ATP6V1C2: variants seen among roughly 807,000 people sequenced by gnomAD.
ATP6V1C2 encodes V-type proton ATPase subunit C 2.
Under a neutral mutation model 56.8 loss-of-function variants are expected in ATP6V1C2, and 45 were observed. The ratio of observed to expected loss-of-function variants is 0.79; its 90% CI spans 0.62 to 1.02. The LOEUF (loss-of-function observed/expected upper bound fraction) is 1.02. Among genes scored for constraint, ATP6V1C2 ranks in the 50% least tolerant of loss-of-function variants. The pLI, the probability that ATP6V1C2 is intolerant of heterozygous loss-of-function variation, is 0.00. For synonymous variants in ATP6V1C2, 220 were observed against 201.3 expected, an observed-to-expected ratio of 1.09 and a Z score of -0.79; for missense variants, 463 against 519.7, an observed-to-expected ratio of 0.89 and a Z score of 1.06.
chr2:10,754,084 C>T lies in ATP6V1C2; in HGVS notation c.283+18C>T. On this transcript the variant is annotated intron_variant, in intron 4 of 13. Coordinates refer to ENST00000272238, the MANE Select transcript of ATP6V1C2 (RefSeq NM_001039362.2). ...AAACGGAGGTAGGTAGGGCGGCCCT[C>T]TGATGTGGAGCACAATCTCCCCGCT... 1 of 1,581,970 alleles carries T rather than the reference C, an allele frequency of 6.3e-7. No homozygotes were observed. Among genetic ancestry groups the T allele is most frequent in the Non-Finnish European group, 8.6e-7 (1 of 1,161,382 alleles).
rs1662446316 is a variant in ATP6V1C2 at position 10,739,772 on chromosome 2, ATTATT to A, written c.197+13207_197+13211del. 2.6e-5 allele frequency among the ~76,000 whole-genome samples: 4 copies of A among 152,164 alleles called. No homozygotes were observed. In the South Asian group the frequency reaches 8.3e-4, roughly 32 times the overall value. On this transcript the variant is annotated intron_variant, in intron 3 of 13. Transcript: ENST00000272238. ...GCATAACTCATTGTGTAAATTTTTGATTATTTTAAAGTTGCATGGAGATGTTTAAA... is the reference window on the plus strand; with the variant it reads ...GCATAACTCATTGTGTAAATTTTTGATTAAAGTTGCATGGAGATGTTTAAA...
At chr2:10,769,627 C>T (rs1664457461) in intron 6 of ATP6V1C2, among the ~76,000 whole-genome samples, 1 of 152,126 alleles carries the variant, frequency 6.6e-6, no homozygotes, top group Admixed American at 6.5e-5. Context: ...TCACTTGAAC[C>T]TGGCAGACAG....
chr2:10,735,226 G>A (rs1325453127), intron 3 of ATP6V1C2, among the ~76,000 whole-genome samples: 1 of 152,090 alleles, frequency 6.6e-6, no homozygotes. Flanking sequence ...CTGGAGTGCA[G>A]TAGCATGATC....
rs1245009673 is a variant in ATP6V1C2 at position 10,784,963 on chromosome 2, T to G, written c.*1700T>G. The G allele has an allele frequency of 6.3e-7, 1 of 1,591,822 alleles. No homozygotes were observed. The highest frequency in any genetic ancestry group is 1.7e-5 in the Admixed American group (1 of 57,608). Reference sequence around the variant, plus strand: ...CCATCCCTGCCGTCCCAAGGCTCTCTCTCAACGATGGTAGGGAAAGCCCCG... The same window carrying G: ...CCATCCCTGCCGTCCCAAGGCTCTCGCTCAACGATGGTAGGGAAAGCCCCG... On this transcript the variant is annotated 3_prime_UTR_variant, in exon 14 of 14. Transcript: ENST00000272238.
rs548915613 is a variant in ATP6V1C2, at chr2:10,773,286, G to T, written c.638+676G>T. On this transcript the variant is annotated intron_variant, in intron 8 of 13. Transcript: ENST00000272238. ...GGGCAGGAAGGCCACACTCAGGATG[G>T]TAGTGGCTCAGGATGGAGTGAGTGG... 1.3e-3 allele frequency among the ~76,000 whole-genome samples: 200 copies of T among 152,324 alleles called. 2 individuals carry two copies. The highest frequency in any genetic ancestry group is 0.013 in the South Asian group (62 of 4,828).
At chr2:10,747,047 T>TCACTTGAGGTTGTGAGTTC (rs1558399356) in intron 3 of ATP6V1C2, among the ~76,000 whole-genome samples, 1 of 152,158 alleles carries the variant, frequency 6.6e-6, no homozygotes, top group Non-Finnish European at 1.5e-5. Flanking sequence ...GGCAGGTGGA[T>TCACTTGAGGTTGTGAGTTC]CACTTGAGGT....
At chr2:10,739,887 G>A (rs1662451861) in intron 3 of ATP6V1C2, among the ~76,000 whole-genome samples, 1 of 152,056 alleles carries the variant, frequency 6.6e-6, no homozygotes, top group Non-Finnish European at 1.5e-5. Flanking sequence ...ATCACTTGAG[G>A]TTAGGAGTTC....
rs1396578569 is a variant in ATP6V1C2, at chr2:10,764,318, T to C, written c.284-13T>C. 5 of 1,600,352 alleles carry C rather than the reference T, an allele frequency of 3.1e-6. No homozygotes were observed. The African/African-American group carries it at 6.7e-5, about 21-fold the overall frequency. ...GCAGGCTCATGTGTTGAAATGTGTT[T>C]GTATTCTTCCAGTTGACTTAACATC... is the stretch of plus-strand genomic sequence containing the variant. On this transcript the variant is annotated splice_polypyrimidine_tract_variant and intron_variant, in intron 4 of 13. Coordinates refer to ENST00000272238, the MANE Select transcript of ATP6V1C2 (RefSeq NM_001039362.2).
Position 10,784,936 on chromosome 2 carries a change from C to T in ATP6V1C2, c.*1673C>T, listed in dbSNP as rs1191444545. The T allele has an allele frequency of 1.1e-5, 17 of 1,578,290 alleles. No individual in the cohort carries two copies. The highest frequency in any genetic ancestry group is 1.7e-4 in the Middle Eastern group (1 of 6,018). ...CAGCTTCCCTCCCGGGCACTCACCT[C>T]GCCATCCCTGCCGTCCCAAGGCTCT... is the stretch of plus-strand genomic sequence containing the variant. On this transcript the variant is annotated 3_prime_UTR_variant, in exon 14 of 14. Transcript: ENST00000272238.
In ATP6V1C2 at chr2:10,739,568, T is replaced by G. The variant is rs530838774; in HGVS notation, c.197+12999T>G. On this transcript the variant is annotated intron_variant, in intron 3 of 13. Transcript: ENST00000272238. ...CCCCAGCCTAGCAGGGCAGGCTGCT[T>G]CTTATCGACCCGATCCCAGAAGACT... 4.8e-4 allele frequency among the ~76,000 whole-genome samples: 73 copies of G among 152,064 alleles called. 1 individual carries two copies. Among genetic ancestry groups the G allele is most frequent in the African/African-American group, 1.6e-3 (66 of 41,500 alleles).
At chr2:10,735,817 G>C (rs1662218001) in intron 3 of ATP6V1C2, among the ~76,000 whole-genome samples, 1 of 151,796 alleles carries the variant, frequency 6.6e-6, no homozygotes, top group African/African-American at 2.4e-5. Flanking sequence ...CAAACTCCTG[G>C]GCTCAAATGA....
intron 3 of ATP6V1C2, among the ~76,000 whole-genome samples, chr2:10,727,035 GCCTTCCTT>G (rs34712749): frequency 2.7e-4 from 39 of 142,682 alleles, no homozygotes; most frequent in African/African-American, 1.0e-3. Context: ...AATATAGAGA[GCCTTCCTT>G]CCTTCCTTCC....
chr2:10,747,618 A>G (rs1295129328), intron 3 of ATP6V1C2, among the ~76,000 whole-genome samples: 8 of 152,152 alleles, frequency 5.3e-5, no homozygotes, highest in African/African-American at 1.9e-4. Flanking sequence ...TCAGCTACTC[A>G]GAAGGCTGAG....
chr2:10,767,343 A>G (rs1441834728), intron 5 of ATP6V1C2, among the ~76,000 whole-genome samples: 1 of 150,818 alleles, frequency 6.6e-6, no homozygotes. Context: ...CTGTATTTTG[A>G]GTAGAGACAG....
intron 3 of ATP6V1C2, among the ~76,000 whole-genome samples, chr2:10,732,057 T>C (rs1207668423): frequency 6.6e-6 from 1 of 152,186 alleles, no homozygotes; most frequent in Non-Finnish European, 1.5e-5. Context: ...GAGCTGTCTT[T>C]GCTACCAATT....
intron 5 of ATP6V1C2, 148 bp downstream of exon 5, chr2:10,764,573 G>C: frequency 1.5e-6 from 1 of 673,030 alleles, no homozygotes; most frequent in Admixed American, 2.5e-5. Context: ...CACTGGGCAG[G>C]TTTGGGGTTT....
At position 10,763,686 on chromosome 2, in the gene ATP6V1C2, C is replaced by A. The variant is rs1035739225; in HGVS notation, c.284-645C>A. Among the ~76,000 whole-genome samples, 2 of 152,210 alleles carry A rather than the reference C, an allele frequency of 1.3e-5. No homozygotes were observed. Among genetic ancestry groups the A allele is most frequent in the Non-Finnish European group, 2.9e-5 (2 of 68,050 alleles). On this transcript the variant is annotated intron_variant, in intron 4 of 13. Transcript: ENST00000272238. This position sits in a 1 kb window ranked among gnomAD's most constrained non-coding sequence, Gnocchi z 4.2. Reference sequence around the variant, plus strand: ...CCCGGCGTATTAAAAGAGGTCAGGTCCTGGGGCGGCTGGCCCAGGTAGCTC... The same window carrying A: ...CCCGGCGTATTAAAAGAGGTCAGGTACTGGGGCGGCTGGCCCAGGTAGCTC...
intron 3 of ATP6V1C2, among the ~76,000 whole-genome samples, chr2:10,727,563 C>CAAAT (rs202068646): frequency 0.022 from 3,359 of 151,876 alleles, 126 homozygotes; most frequent in African/African-American, 0.078. Flanking sequence ...CTCAAACAAA[C>CAAAT]AAACAAAAAC....
At chr2:10,779,612 G>A (rs949082438) in intron 12 of ATP6V1C2, among the ~76,000 whole-genome samples, 4 of 149,152 alleles carry the variant, frequency 2.7e-5, no homozygotes, top group Non-Finnish European at 3.0e-5. Flanking sequence ...CTTGAGCCTC[G>A]GAGCCGGAGG....
Sources: gnomAD v4.1 joint callset for allele counts (sites outside exome capture counted in the v4.1 genomes callset) on GRCh38, gnomAD v4.1.1 for gene constraint, Gnocchi (gnomAD v3.1) non-coding constraint, MANE v1.5 for transcripts, NCBI Gene and HGNC (gene_info 2026-07-23, HGNC 2026-07-21) for gene names.